Variants in ASIC2 observed in about 807,000 individuals in gnomAD.
ASIC2 encodes acid-sensing ion channel 2.
Under a neutral mutation model 57.3 loss-of-function variants are expected in ASIC2, and 25 were observed. The observed-to-expected ratio is 0.44, with a 90% CI of 0.32 to 0.61. ASIC2 has a LOEUF of 0.61. ASIC2 is among the 20% of genes least tolerant of loss of function. The pLI is 0.06. For missense variants in ASIC2, 641 were observed against 738.1 expected (o/e 0.87, Z 1.52); for synonymous variants, 319 against 307.5 (o/e 1.04, Z -0.39).
intron 1 of ASIC2, among the ~76,000 whole-genome samples, chr17:33,913,180 G>T (rs916910390): frequency 5.9e-5 from 9 of 151,838 alleles, no homozygotes; most frequent in African/African-American, 2.2e-4. Flanking sequence ...GTACCTTAAG[G>T]GTTTAGAGGA....
At chr17:33,342,666 G>C (rs1242867242) in intron 1 of ASIC2, among the ~76,000 whole-genome samples, 2 of 152,086 alleles carry the variant, frequency 1.3e-5, no homozygotes, top group Non-Finnish European at 2.9e-5. Context: ...CCCAACTCTG[G>C]TTTGGGGGCT....
At chr17:33,881,762 T>C (rs1914705829) in intron 1 of ASIC2, among the ~76,000 whole-genome samples, 1 of 152,130 alleles carries the variant, frequency 6.6e-6, no homozygotes, top group Non-Finnish European at 1.5e-5. Flanking sequence ...AAAACTACTT[T>C]AAAGTTCATA....
At chr17:33,155,564 C>CTTTT (rs558082080) in intron 1 of ASIC2, among the ~76,000 whole-genome samples, 47 of 130,778 alleles carry the variant, frequency 3.6e-4, no homozygotes, top group African/African-American at 3.5e-4. Flanking sequence ...TTCTTTCTTT[C>CTTTT]TTTTTTTTTT....
chr17:33,134,923 T>A (rs1156904632), intron 1 of ASIC2, among the ~76,000 whole-genome samples: 1 of 152,152 alleles, frequency 6.6e-6, no homozygotes, highest in African/African-American at 2.4e-5. Context: ...ATCAACTAAG[T>A]CAGAGACTTA....
At chr17:33,135,615 CA>C (rs2092364220) in intron 1 of ASIC2, among the ~76,000 whole-genome samples, 1 of 152,118 alleles carries the variant, frequency 6.6e-6, no homozygotes, top group South Asian at 2.1e-4. Context: ...AAGATGGAGC[CA>C]GGCAGGAGGA....
intron 1 of ASIC2, among the ~76,000 whole-genome samples, chr17:33,889,126 T>C (rs1044056993): frequency 2.6e-5 from 4 of 152,184 alleles, no homozygotes; most frequent in African/African-American, 9.7e-5. Context: ...TTCTCTCTTG[T>C]GGTGAGGGCA....
intron 1 of ASIC2, among the ~76,000 whole-genome samples, chr17:34,059,219 C>T (rs1244210256): frequency 6.6e-6 from 1 of 152,168 alleles, no homozygotes; most frequent in Non-Finnish European, 1.5e-5. Flanking sequence ...CCCTTCTCTC[C>T]CAAACACACA....
intron 1 of ASIC2, among the ~76,000 whole-genome samples, chr17:33,816,252 G>A (rs1157208255): frequency 1.3e-5 from 2 of 152,102 alleles, no homozygotes; most frequent in African/African-American, 2.4e-5. Context: ...TCTTTCCAGG[G>A]CACCTGCTTC....
At chr17:33,097,697 G>C (rs538605685) in intron 2 of ASIC2, among the ~76,000 whole-genome samples, 1 of 152,210 alleles carries the variant, frequency 6.6e-6, no homozygotes, top group Non-Finnish European at 1.5e-5. Flanking sequence ...GGGAAGGATG[G>C]GGAAGAAGAG....
chr17:33,344,463 G>C (rs1418309498), intron 1 of ASIC2, among the ~76,000 whole-genome samples: 1 of 152,202 alleles, frequency 6.6e-6, no homozygotes, highest in African/African-American at 2.4e-5. Context: ...GGTGGAATCA[G>C]CTTCTAGTGA....
In ASIC2 at chr17:33,611,801, G is replaced by A. The variant is rs1487364051; in HGVS notation, c.556-499734C>T. On this transcript the variant is annotated intron_variant, in intron 1 of 9. Coordinates refer to the ASIC2 transcript ENST00000359872. ...ATGACCAAGGCCAACTCAATGGGGT[G>A]GAGGAATATTCTCTGGTTGCTCTAG... 3.3e-5 allele frequency among the ~76,000 whole-genome samples: 5 copies of A among 152,336 alleles called. No homozygotes were observed. In the South Asian group the frequency reaches 8.3e-4, roughly 25 times the overall value.
chr17:33,028,151 G>A (rs1423902536), intron 4 of ASIC2, 91 bp downstream of exon 4: 35 of 1,490,538 alleles, frequency 2.3e-5, no homozygotes, highest in African/African-American at 5.6e-5. Flanking sequence ...TCCCAGCGAA[G>A]TGGGTGAAGT....
At chr17:33,892,084 G>A (rs1414918616) in intron 1 of ASIC2, among the ~76,000 whole-genome samples, 1 of 152,192 alleles carries the variant, frequency 6.6e-6, no homozygotes, top group Admixed American at 6.5e-5. Context: ...GTCTGGAATT[G>A]TTCTAGGTGC....
chr17:34,110,300 G>A (rs547806155), intron 1 of ASIC2, among the ~76,000 whole-genome samples: 3 of 152,274 alleles, frequency 2.0e-5, no homozygotes, highest in East Asian at 3.9e-4. Context: ...ACTTTCTAAG[G>A]TATTGCCCAG....
chr17:33,052,124 A>G (rs1316133846), intron 3 of ASIC2: 1 of 152,260 alleles, frequency 6.6e-6, no homozygotes, highest in Non-Finnish European at 1.5e-5. Flanking sequence ...AAAAGATTTC[A>G]TTTATAAATA....
intron 1 of ASIC2, among the ~76,000 whole-genome samples, chr17:34,033,397 C>T (rs1308188193): frequency 6.6e-6 from 1 of 151,736 alleles, no homozygotes; most frequent in Non-Finnish European, 1.5e-5. Flanking sequence ...CACTAAATGC[C>T]CACAAGAGAA....
chr17:33,434,564 C>G (rs1284436616), intron 1 of ASIC2, among the ~76,000 whole-genome samples: 1 of 152,098 alleles, frequency 6.6e-6, no homozygotes, highest in East Asian at 1.9e-4. Flanking sequence ...TTTTAAGATA[C>G]TTAAAGAAAG....
intron 1 of ASIC2, among the ~76,000 whole-genome samples, chr17:33,944,869 G>A (rs183457878): frequency 4.6e-4 from 70 of 152,266 alleles, no homozygotes; most frequent in Admixed American, 1.7e-3. Context: ...CCACCAATGC[G>A]TAAAATGGAC....
intron 1 of ASIC2, among the ~76,000 whole-genome samples, chr17:33,865,961 A>G (rs1168795176): frequency 6.6e-6 from 1 of 152,038 alleles, no homozygotes; most frequent in East Asian, 1.9e-4. Flanking sequence ...TTGATGTCAA[A>G]TAAATTAATT....
Sources: allele counts gnomAD v4.1 joint callset (sites outside exome capture counted in the v4.1 genomes callset), GRCh38; gene constraint gnomAD v4.1.1; transcripts MANE v1.5; gene names NCBI Gene and HGNC (gene_info 2026-07-23, HGNC 2026-07-21).